The following STYK1 variants were observed in gnomAD, a reference collection of about 807,000 sequenced individuals.
STYK1 encodes the protein tyrosine-protein kinase STYK1.
Under a neutral mutation model 48.1 loss-of-function variants are expected in STYK1, and 46 were observed. The observed-to-expected ratio is 0.96, with a 90% CI of 0.75 to 1.22. STYK1 has a LOEUF of 1.22. Among genes scored for constraint, STYK1 ranks in the 50% most tolerant of loss-of-function variants. The pLI, the probability that STYK1 is intolerant of heterozygous loss-of-function variation, is 0.00. For synonymous variants in STYK1, 188 were observed against 189.0 expected, an observed-to-expected ratio of 0.99 and a Z score of 0.04; for missense variants, 527 against 521.1, an observed-to-expected ratio of 1.01 and a Z score of -0.11.
At position 10,672,679 on chromosome 12, in the gene STYK1, A is replaced by G. The variant is rs1341410075; in HGVS notation, c.-195+1287T>C. ...TCTGAAACCATCTCCCGCCAACCTC[A>G]TCGGCATCTGTGAAAAAAATTGTCT... is the stretch of plus-strand genomic sequence containing the variant. On this transcript the variant is annotated intron_variant, in intron 1 of 10. Transcript: ENST00000075503. The surrounding 1 kb of genome is among the most constrained non-coding windows in gnomAD (Gnocchi z 4.0). Among the ~76,000 whole-genome samples the G allele has an allele frequency of 1.3e-5, 2 of 152,166 alleles. No individual in the cohort carries two copies. The highest frequency in any genetic ancestry group is 4.8e-5 in the African/African-American group (2 of 41,430).
chr12:10,632,412 G>C (rs1393322455), intron 4 of STYK1, among the ~76,000 whole-genome samples: 1 of 152,186 alleles, frequency 6.6e-6, no homozygotes, highest in Non-Finnish European at 1.5e-5. Context: ...GAGCATAGCT[G>C]CAATAGTTGA....
intron 1 of STYK1, among the ~76,000 whole-genome samples, chr12:10,647,750 G>A (rs996048334): frequency 6.6e-6 from 1 of 152,172 alleles, no homozygotes; most frequent in Non-Finnish European, 1.5e-5. Context: ...GGAGGTAATT[G>A]AAACATGGGG....
chr12:10,665,913 A>C (rs767053704), intron 1 of STYK1, among the ~76,000 whole-genome samples: 4 of 152,240 alleles, frequency 2.6e-5, no homozygotes, highest in Non-Finnish European at 4.4e-5. Flanking sequence ...GTGGTTTCAC[A>C]TCAGATGGGC....
At chr12:10,665,572 G>C (rs561359104) in intron 1 of STYK1, among the ~76,000 whole-genome samples, 3 of 152,204 alleles carry the variant, frequency 2.0e-5, no homozygotes, top group East Asian at 3.9e-4. Context: ...GAGTTTTGTA[G>C]GGATGAGAAC....
intron 9 of STYK1, among the ~76,000 whole-genome samples, chr12:10,622,207 A>G (rs1865919230): frequency 6.6e-6 from 1 of 152,170 alleles, no homozygotes; most frequent in African/African-American, 2.4e-5. Context: ...AATCTCTAAG[A>G]AAGTGATCAA....
intron 1 of STYK1, among the ~76,000 whole-genome samples, chr12:10,642,673 A>C (rs1947558227): frequency 6.6e-6 from 1 of 152,376 alleles, no homozygotes; most frequent in African/African-American, 2.4e-5. Context: ...AGTTAAAGTA[A>C]TCAAAAAGTT....
intron 1 of STYK1, among the ~76,000 whole-genome samples, chr12:10,638,000 T>C (rs1425539105): frequency 6.6e-6 from 1 of 152,220 alleles, no homozygotes; most frequent in Non-Finnish European, 1.5e-5. Context: ...TATCTCTAAA[T>C]ACTTTTCCCA....
At chr12:10,661,369 C>T (rs888609957) in intron 1 of STYK1, among the ~76,000 whole-genome samples, 7 of 152,100 alleles carry the variant, frequency 4.6e-5, no homozygotes, top group Non-Finnish European at 8.8e-5. Context: ...ATTCTTGATC[C>T]GTGTCATCTC....
intron 5 of STYK1, 32 bp downstream of exon 5, chr12:10,631,013 G>C (rs757005816): frequency 8.1e-6 from 13 of 1,608,194 alleles, no homozygotes; most frequent in Non-Finnish European, 1.0e-5. Flanking sequence ...TTACTGTTAG[G>C]GGAAGGGGGA....
chr12:10,626,834 G>A (rs956392625), intron 7 of STYK1, among the ~76,000 whole-genome samples: 6 of 152,062 alleles, frequency 3.9e-5, no homozygotes, highest in East Asian at 1.9e-4. Flanking sequence ...GTGAAACCCC[G>A]TCTCTACTAA....
intron 9 of STYK1, among the ~76,000 whole-genome samples, chr12:10,622,274 G>A (rs1325281852): frequency 6.6e-6 from 1 of 152,170 alleles, no homozygotes; most frequent in Non-Finnish European, 1.5e-5. Flanking sequence ...GGGAAAGTGT[G>A]CAGTTTCTCA....
At chr12:10,662,711 A>G (rs1054932453) in intron 1 of STYK1, among the ~76,000 whole-genome samples, 1 of 152,082 alleles carries the variant, frequency 6.6e-6, no homozygotes, top group African/African-American at 2.4e-5. Context: ...TGATTGGGCA[A>G]TTTGTCTTTT....
intron 1 of STYK1, among the ~76,000 whole-genome samples, chr12:10,646,728 G>A (rs1947603800): frequency 1.3e-5 from 2 of 152,202 alleles, no homozygotes; most frequent in African/African-American, 2.4e-5. Context: ...CTGATCACAG[G>A]CCCAGAGGTT....
chr12:10,638,508 C>T (rs964169583), intron 1 of STYK1, among the ~76,000 whole-genome samples: 24 of 152,246 alleles, frequency 1.6e-4, no homozygotes, highest in Admixed American at 9.8e-4. Flanking sequence ...ATAACTATAA[C>T]GAAATTGAAC....
chr12:10,660,772 T>C (rs1947768625), intron 1 of STYK1, among the ~76,000 whole-genome samples: 1 of 152,138 alleles, frequency 6.6e-6, no homozygotes, highest in African/African-American at 2.4e-5. Flanking sequence ...GCCACCAGTG[T>C]CATGACAGTT....
intron 8 of STYK1, among the ~76,000 whole-genome samples, chr12:10,623,936 A>G (rs1334297082): frequency 1.3e-5 from 2 of 152,194 alleles, no homozygotes; most frequent in South Asian, 2.1e-4. Flanking sequence ...ATGTACATTT[A>G]TAAGTTTTAT....
At chr12:10,622,780 G>A in intron 8 of STYK1, 102 bp from the exon 9 acceptor site, 3 of 1,369,576 alleles carry the variant, frequency 2.2e-6, no homozygotes, top group Non-Finnish European at 3.1e-6. Flanking sequence ...CATGAAAAAG[G>A]CAATGAAGGA....
At position 10,631,135 on chromosome 12, in the gene STYK1, A is replaced by C; in HGVS notation, c.361T>G (p.Cys121Gly). The C allele has an allele frequency of 6.2e-7, 1 of 1,614,234 alleles. No individual in the cohort carries two copies. Among genetic ancestry groups the C allele is most frequent in the South Asian group, 1.1e-5 (1 of 91,086 alleles). Reference sequence around the variant, plus strand: ...AAGATGGGCCCACAGCTACCACTGCAAATCTGCTCCAGAACTTCAGAGAGT... The same window carrying C: ...AAGATGGGCCCACAGCTACCACTGCCAATCTGCTCCAGAACTTCAGAGAGT... The part of the protein sequence containing the change: ...EQLSEVLEQI[C>G]SGSCGPIFRA... The change falls in exon 5 of 11, where the codon TGC (cysteine) becomes GGC (glycine). Residue 121 changes from cysteine to glycine, a missense_variant. By Grantham distance (159) the Cys-to-Gly change is radical (BLOSUM62 -3). Coordinates refer to ENST00000075503, the MANE Select transcript of STYK1 (RefSeq NM_018423.3).
At chr12:10,657,843 C>T (rs987884365) in intron 1 of STYK1, among the ~76,000 whole-genome samples, 2 of 152,188 alleles carry the variant, frequency 1.3e-5, no homozygotes, top group Non-Finnish European at 2.9e-5. Context: ...AACATTGTAA[C>T]ATATAATTGA....
Sources: allele counts gnomAD v4.1 joint callset (sites outside exome capture counted in the v4.1 genomes callset), GRCh38; gene constraint gnomAD v4.1.1; non-coding constraint Gnocchi (gnomAD v3.1); transcripts MANE v1.5; gene names NCBI Gene and HGNC (gene_info 2026-07-23, HGNC 2026-07-21).